Variants in ITGA11 observed in about 807,000 individuals in gnomAD.
ITGA11 encodes the protein integrin alpha-11.
Under a neutral mutation model 141.9 loss-of-function variants are expected in ITGA11, and 97 were observed. That is an observed-to-expected ratio of 0.68 (90% CI 0.58 to 0.81). ITGA11 has a LOEUF of 0.81. Among genes scored for constraint, ITGA11 ranks in the 30% least tolerant of loss-of-function variants. The pLI is 0.00. For synonymous variants in ITGA11, 658 were observed against 624.6 expected (o/e 1.05, Z -0.80); for missense variants, 1,387 against 1,559.2 (o/e 0.89, Z 1.86).
Position 68,416,884 on chromosome 15 carries a change from C to A in ITGA11, c.53-13855G>T, listed in dbSNP as rs78052560. 8.2e-3 allele frequency among the ~76,000 whole-genome samples: 1,254 copies of A among 152,260 alleles called. 17 individuals carry two copies. The highest frequency in any genetic ancestry group is 0.029 in the African/African-American group (1,216 of 41,532). The stretch of plus-strand genomic sequence containing the variant: ...TAAGCCAAGATCGCACCACTGCACT[C>A]CAAACCGGGTGACATATGGAGACCC... On this transcript the variant is annotated intron_variant, in intron 1 of 29. Transcript: ENST00000315757.
In ITGA11 at chr15:68,315,795, C is replaced by T. The variant is rs1893553498; in HGVS notation, c.2716-68G>A. ...CCCCGCCCACTCCCCACAGCCCACT[C>T]CCCACAGCCCCCTGCTGGCTTGGGG... is the stretch of plus-strand genomic sequence containing the variant. On this transcript the variant is annotated intron_variant, in intron 21 of 29. Coordinates refer to ENST00000315757, the MANE Select transcript of ITGA11 (RefSeq NM_001004439.2). The T allele has an allele frequency of 7.1e-6, 9 of 1,259,802 alleles. No individual in the cohort carries two copies. In the East Asian group the frequency reaches 2.3e-4, roughly 32 times the overall value. The allele number at this position is 1,259,802 out of a possible 1,614,324, so 78.0% of individuals were successfully genotyped here.
At chr15:68,361,790 C>T in intron 4 of ITGA11, 86 bp from the exon 5 acceptor site, 1 of 871,168 alleles carries the variant, frequency 1.1e-6, no homozygotes, top group Non-Finnish European at 1.9e-6. Flanking sequence ...CTCCCATCCT[C>T]CACGACCCAA....
intron 2 of ITGA11, among the ~76,000 whole-genome samples, chr15:68,399,217 A>G (rs1016097470): frequency 6.6e-6 from 1 of 152,098 alleles, no homozygotes; most frequent in African/African-American, 2.4e-5. Context: ...GAAACATGGA[A>G]AAATACTCCA....
At chr15:68,338,181 A>G (rs540354560) in intron 11 of ITGA11, among the ~76,000 whole-genome samples, 1 of 152,300 alleles carries the variant, frequency 6.6e-6, no homozygotes, top group South Asian at 2.1e-4. Context: ...ATAAAACACG[A>G]GTCATTCTAG....
intron 2 of ITGA11, among the ~76,000 whole-genome samples, chr15:68,373,814 T>C (rs1372372764): frequency 6.6e-6 from 1 of 152,098 alleles, no homozygotes; most frequent in Non-Finnish European, 1.5e-5. Context: ...ATGATGAGGG[T>C]TATGAGCTGA....
chr15:68,417,920 A>G (rs1896925135), intron 1 of ITGA11, among the ~76,000 whole-genome samples: 1 of 152,204 alleles, frequency 6.6e-6, no homozygotes, highest in Admixed American at 6.5e-5. Flanking sequence ...AAAAATAATT[A>G]CAGGTGGTTA....
chr15:68,420,843 C>G (rs1380532972), intron 1 of ITGA11, among the ~76,000 whole-genome samples: 1 of 151,912 alleles, frequency 6.6e-6, no homozygotes, highest in African/African-American at 2.4e-5. Context: ...ATAAATAAAA[C>G]AGGTAATAAT....
At position 68,328,152 on chromosome 15, in the gene ITGA11, G is replaced by A. The variant is rs1218012992; in HGVS notation, c.2012C>T (p.Ala671Val). ...RSGRDATCLAAFLCFTPIFLA... is the reference protein window; with the variant it reads ...RSGRDATCLAVFLCFTPIFLA... ...GAAGATGGGCGTGAAGCAGAGGAAG[G>A]CGGCCAGGCAGGTGGCATCCCTGCC... The change falls in exon 16 of 30, where the codon GCC becomes GTC. Residue 671 changes from alanine (A) to valine (V), a missense_variant. Coordinates refer to ENST00000315757, the MANE Select transcript of ITGA11 (RefSeq NM_001004439.2). This position sits in a 1 kb window ranked among gnomAD's most constrained non-coding sequence, Gnocchi z 4.8. 6.2e-7 allele frequency: 1 copy of A among 1,613,794 alleles called. No homozygotes were observed. Among genetic ancestry groups the A allele is most frequent in the East Asian group, 2.2e-5 (1 of 44,896 alleles).
intron 2 of ITGA11, among the ~76,000 whole-genome samples, chr15:68,402,583 A>T (rs1004044685): frequency 6.6e-6 from 1 of 151,366 alleles, no homozygotes; most frequent in Admixed American, 6.6e-5. Context: ...TCTCAGAGAC[A>T]CCCCCAGCAG....
chr15:68,392,814 A>C (rs1896151617), intron 2 of ITGA11, among the ~76,000 whole-genome samples: 1 of 152,320 alleles, frequency 6.6e-6, no homozygotes, highest in Non-Finnish European at 1.5e-5. Flanking sequence ...TAAGGGCAAA[A>C]CTGTAACATC....
intron 1 of ITGA11, among the ~76,000 whole-genome samples, chr15:68,421,532 C>T (rs965951485): frequency 6.6e-6 from 1 of 152,098 alleles, no homozygotes; most frequent in African/African-American, 2.4e-5. Flanking sequence ...GGTACAAGGG[C>T]GGATGCAAGG....
rs1357607313 is a variant in ITGA11, at chr15:68,299,432, T to TA, written c.*3626dup. On this transcript the variant is annotated 3_prime_UTR_variant, in exon 30 of 30. Transcript: ENST00000315757. ...ATAGTAGGGGAGTTTTTTTTTTTTT[T>TA]AAATTATAAGAAGGAGTGCAGGATA... 1 of 151,806 alleles carries TA rather than the reference T, an allele frequency of 6.6e-6. No homozygotes were observed. Among genetic ancestry groups the TA allele is most frequent in the African/African-American group, 2.4e-5 (1 of 41,368 alleles). 9.4% of individuals were successfully genotyped at this position (151,806 alleles called of 1,614,324 possible).
intron 2 of ITGA11, among the ~76,000 whole-genome samples, chr15:68,382,325 G>A (rs1043749470): frequency 6.6e-5 from 10 of 152,178 alleles, no homozygotes; most frequent in East Asian, 3.8e-4. Flanking sequence ...GAGCCATCCC[G>A]GAGCTGGGCC....
chr15:68,342,997 T>TTCTCTCTC lies in ITGA11; in HGVS notation c.1132-3361_1132-3354dup, dbSNP rs6145615. ...TAGCTGTGTGACCCTGGGCAAGTTC[T>TTCTCTCTC]TCTCTCTCTCTCTCTCTCTCTCTCT... On this transcript the variant is annotated intron_variant, in intron 10 of 29. Transcript: ENST00000315757. Among the ~76,000 whole-genome samples, 788 of 143,970 alleles carry TTCTCTCTC rather than the reference T, an allele frequency of 5.5e-3. 6 individuals carry two copies. The highest frequency in any genetic ancestry group is 0.013 in the African/African-American group (509 of 38,050). The allele number at this position is 143,970 out of a possible 152,430, so 94.4% of individuals were successfully genotyped here.
intron 1 of ITGA11, among the ~76,000 whole-genome samples, chr15:68,415,277 A>T (rs1337847825): frequency 6.6e-6 from 1 of 152,164 alleles, no homozygotes; most frequent in Non-Finnish European, 1.5e-5. Flanking sequence ...TGCAGGTCAG[A>T]ACGCAGCTCA....
intron 18 of ITGA11, among the ~76,000 whole-genome samples, chr15:68,323,733 C>T (rs964260041): frequency 2.6e-5 from 4 of 152,258 alleles, no homozygotes; most frequent in Non-Finnish European, 4.4e-5. Context: ...TCAGCTCTCC[C>T]GGAATAAAAG....
intron 10 of ITGA11, among the ~76,000 whole-genome samples, chr15:68,342,997 T>TTCTCTCTCTCTCTCTCTCTCTC (rs6145615): frequency 5.6e-5 from 8 of 144,034 alleles, no homozygotes; most frequent in African/African-American, 1.0e-4. Flanking sequence ...GGGCAAGTTC[T>TTCTCTCTCTCTCTCTCTCTCTC]TCTCTCTCTC....
Position 68,308,543 on chromosome 15 carries a change from C to G in ITGA11, c.3175-847G>C, listed in dbSNP as rs908538973. The stretch of plus-strand genomic sequence containing the variant: ...GATCACAAGGTCAGGAGATCGAGAC[C>G]ATCCTGGCTAACACAGTGAAACCCC... On this transcript the variant is annotated intron_variant, in intron 26 of 29. Coordinates refer to ENST00000315757, the MANE Select transcript of ITGA11 (RefSeq NM_001004439.2). This position sits in a 1 kb window ranked among gnomAD's most constrained non-coding sequence, Gnocchi z 5.2. 6.6e-6 allele frequency among the ~76,000 whole-genome samples: 1 copy of G among 152,076 alleles called. No individual in the cohort carries two copies. Among genetic ancestry groups the G allele is most frequent in the Non-Finnish European group, 1.5e-5 (1 of 68,020 alleles).
At position 68,326,674 on chromosome 15, in the gene ITGA11, G is replaced by A. The variant is rs369086553; in HGVS notation, c.2191C>T (p.Arg731Trp). The A allele has an allele frequency of 6.9e-6, 11 of 1,590,442 alleles. No homozygotes were observed. Among genetic ancestry groups the A allele is most frequent in the African/African-American group, 5.4e-5 (4 of 74,178 alleles). The change falls in exon 17 of 30, where the codon CGG (arginine) becomes TGG (tryptophan). Residue 731 changes from arginine to tryptophan, a missense_variant. Physicochemically the swap from Arg to Trp is moderately radical, Grantham distance 101 (BLOSUM62 -3). Transcript: ENST00000315757. The surrounding 1 kb of genome is among the most constrained non-coding windows in gnomAD (Gnocchi z 6.8). ...CTTACCAGGACATGGAAGTTGATCCGCTCACAGAGCTCCTGGCCGGAGGAG... is the reference window on the plus strand; with the variant it reads ...CTTACCAGGACATGGAAGTTGATCCACTCACAGAGCTCCTGGCCGGAGGAG... ...LLSSGQELCE[R>W]INFHVLDTAD...
Sources: allele counts gnomAD v4.1 joint callset (sites outside exome capture counted in the v4.1 genomes callset), GRCh38; gene constraint gnomAD v4.1.1; non-coding constraint Gnocchi (gnomAD v3.1); transcripts MANE v1.5; gene names NCBI Gene and HGNC (gene_info 2026-07-23, HGNC 2026-07-21).